Variants in PCSK4 observed in about 807,000 individuals in gnomAD.
PCSK4 encodes the protein proprotein convertase subtilisin/kexin type 4, also known as testicular tissue protein Li 135.
A neutral mutation model predicts 80.3 loss-of-function variants in PCSK4; 64 were observed. The observed-to-expected ratio is 0.80, with a 90% confidence interval of 0.65 to 0.98. PCSK4 has a LOEUF of 0.98. Ranked by LOEUF, PCSK4 falls within the 50% of genes least tolerant of loss-of-function variation. PCSK4 has a pLI of 0.00. For synonymous variants in PCSK4, 561 were observed against 487.6 expected (o/e 1.15, Z -1.98); for missense variants, 1,213 against 1,093.6 (o/e 1.11, Z -1.54).
At chr19:1,487,170 G>A (rs527983571) in exon 7 of PCSK4, 12 of 1,606,968 alleles carry the variant, frequency 7.5e-6, no homozygotes, top group South Asian at 4.4e-5. Context: ...AAGGCCTCGC[G>A]GGTGAGGATG....
intron 8 of PCSK4, among the ~76,000 whole-genome samples, chr19:1,484,476 G>C (rs938336423): frequency 6.8e-5 from 10 of 148,006 alleles, no homozygotes; most frequent in African/African-American, 2.5e-4. Context: ...CTGGGCAACA[G>C]AGCCAGACTC....
intron 8 of PCSK4, among the ~76,000 whole-genome samples, chr19:1,485,880 A>G (rs1200365046): frequency 6.6e-6 from 1 of 152,074 alleles, no homozygotes; most frequent in East Asian, 1.9e-4. Context: ...TCAAAAACAA[A>G]CAAATGAAAA....
chr19:1,484,088 T>C lies in PCSK4; in HGVS notation c.1108A>G (p.Thr370Ala), dbSNP rs201227104. The C allele has an allele frequency of 2.6e-6, 4 of 1,566,330 alleles. No homozygotes were observed. The East Asian group carries it at 9.5e-5, about 37-fold the overall frequency. The stretch of plus-strand genomic sequence containing the variant: ...AGTGGGGCTGAGGCCGAGGTGCCCG[T>C]GTGCTGGTCTGTGCACCCGTGATGC... The change falls in exon 9 of 15, where the codon ACG (threonine) becomes GCG (alanine). Residue 370 changes from threonine (T) to alanine (A), a missense_variant. Coordinates refer to ENST00000300954, the Ensembl canonical transcript of PCSK4.
intron 11 of PCSK4, 55 bp downstream of exon 11, chr19:1,483,595 G>A (rs1191793922): frequency 2.0e-6 from 3 of 1,479,262 alleles, no homozygotes; most frequent in Admixed American, 3.7e-5. Context: ...TGAGGCCTCA[G>A]GCCTGTCCCC....
intron 8 of PCSK4, among the ~76,000 whole-genome samples, chr19:1,484,673 A>G (rs1227856249): frequency 1.3e-5 from 2 of 151,430 alleles, no homozygotes. Flanking sequence ...TTACCCGGGT[A>G]TGGTGGCGGG....
At chr19:1,483,435 C>G in exon 12 of PCSK4, 5 of 1,598,966 alleles carry the variant, frequency 3.1e-6, no homozygotes, top group Non-Finnish European at 4.2e-6. Context: ...GATACGTTTT[C>G]CCTGATGTAG....
Position 1,483,938 on chromosome 19 carries a change from C to T in PCSK4, c.1173G>A (p.Pro391=), listed in dbSNP as rs946980245. Reference sequence around the variant, plus strand: ...GCTGCATGTCTCTCCACGTCAGGAACGGGCTGCGGGGGGCGGGGGCGGGGG... The same window carrying T: ...GCTGCATGTCTCTCCACGTCAGGAATGGGCTGCGGGGGGCGGGGGCGGGGG... The change falls in exon 10 of 15, where the codon CCG becomes CCA. Residue 391 remains proline (P), a synonymous_variant. Transcript: ENST00000300954. The T allele has an allele frequency of 3.7e-6, 5 of 1,350,616 alleles. No homozygotes were observed. The African/African-American group carries it at 4.7e-5, about 13-fold the overall frequency. The allele number at this position is 1,350,616 out of a possible 1,614,324, so 83.7% of individuals were successfully genotyped here. A position where few individuals can be genotyped will look rare whatever the true frequency, so the allele number is the denominator to read the frequency against.
intron 13 of PCSK4, 117 bp from the exon 14 acceptor site, chr19:1,482,592 A>C: frequency 7.8e-7 from 1 of 1,290,078 alleles, no homozygotes; most frequent in Non-Finnish European, 1.1e-6. Context: ...ACTGGTTCAC[A>C]TCTCTCAGGG....
rs963907905 is a variant in PCSK4 at position 1,484,011 on chromosome 19, C to T, written c.1169+16G>A. 9 of 1,525,018 alleles carry T rather than the reference C, an allele frequency of 5.9e-6. No individual in the cohort carries two copies. Among genetic ancestry groups the T allele is most frequent in the East Asian group, 2.5e-5 (1 of 40,142 alleles). The allele number at this position is 1,525,018 out of a possible 1,614,324, so 94.5% of individuals were successfully genotyped here. A position where few individuals can be genotyped will look rare whatever the true frequency, so the allele number is the denominator to read the frequency against. On this transcript the variant is annotated intron_variant, in intron 9 of 14. Transcript: ENST00000300954. The stretch of plus-strand genomic sequence containing the variant: ...CTGGGGGCGAGGGCGGTGGACCGGG[C>T]CCCGCAGTCACCTACTTGGCCTCCA...
intron 6 of PCSK4, 105 bp from the exon 7 acceptor site, chr19:1,487,418 T>A: frequency 2.9e-6 from 3 of 1,037,796 alleles, no homozygotes; most frequent in Admixed American, 4.7e-5. Flanking sequence ...ACCTGGGCCC[T>A]CTCTCTGCTC....
rs747367365 is a variant in PCSK4, at chr19:1,482,346, C to A, written c.1819+7G>T. On this transcript the variant is annotated splice_region_variant and intron_variant, in intron 14 of 14. Transcript: ENST00000300954. ...CCAGCAGTGGGCCCTGCCCCGCCGG[C>A]ACTCACCCTGGCACAGCCCCTCTGT... The A allele has an allele frequency of 1.0e-5, 16 of 1,539,502 alleles. No individual in the cohort carries two copies. The highest frequency in any genetic ancestry group is 2.4e-5 in the East Asian group (1 of 40,948).
intron 2 of PCSK4, among the ~76,000 whole-genome samples, chr19:1,488,615 C>A (rs1183366082): frequency 2.0e-5 from 3 of 152,012 alleles, no homozygotes; most frequent in Non-Finnish European, 2.9e-5. Context: ...GAGTCTTGTT[C>A]TGTCGCCCAG....
In PCSK4 at chr19:1,481,861, G is replaced by A. The variant is rs536007078; in HGVS notation, c.2166C>T (p.Pro722=). Residue 722 remains proline (P), a synonymous_variant, in exon 15 of 15, where the codon CCC becomes CCT. Coordinates refer to ENST00000300954, the Ensembl canonical transcript of PCSK4. ...GGTCCATGGACATGCCGCAGAGGAC[G>A]GGGCCTCCGAGGGTCACGGCCAGGA... 5.2e-5 allele frequency: 83 copies of A among 1,583,712 alleles called. 1 individual carries two copies. In the South Asian group the frequency reaches 8.5e-4, roughly 16 times the overall value.
intron 13 of PCSK4, 105 bp from the exon 14 acceptor site, chr19:1,482,580 G>A: frequency 1.4e-6 from 2 of 1,394,494 alleles, no homozygotes; most frequent in South Asian, 1.4e-5. Context: ...GCGGGGCCCT[G>A]GACTGGTTCA....
At chr19:1,488,407 T>C (rs1246908056) in intron 2 of PCSK4, 127 bp from the exon 3 acceptor site, 3 of 689,724 alleles carry the variant, frequency 4.3e-6, no homozygotes, top group South Asian at 1.7e-5. Context: ...AGGGTCCCCA[T>C]GTGCCTGGGG....
In PCSK4 at chr19:1,486,600, T is replaced by G. The variant is rs190276459; in HGVS notation, c.1068+253A>C. On this transcript the variant is annotated intron_variant, in intron 8 of 14. Transcript: ENST00000300954. ...CGTCAGCCACCGTGCCTGGCCTTTT[T>G]TTTTTGTAGTTTTAGTAGAGACAGG... is the stretch of plus-strand genomic sequence containing the variant. Among the ~76,000 whole-genome samples, 176 of 152,212 alleles carry G rather than the reference T, an allele frequency of 1.2e-3. 1 individual carries two copies. The highest frequency in any genetic ancestry group is 3.9e-3 in the African/African-American group (162 of 41,532).
In PCSK4 at chr19:1,487,173, T is replaced by G. The variant is rs138701190; in HGVS notation, c.823A>C (p.Thr275Pro). The G allele has an allele frequency of 1.6e-5, 25 of 1,607,158 alleles. No homozygotes were observed. Among genetic ancestry groups the G allele is most frequent in the African/African-American group, 2.7e-5 (2 of 74,844 alleles). Reference sequence around the variant, plus strand: ...ACACCACGCCGGAAGGCCTCGCGGGTGAGGATGCCGGGGCCGTCCACCGTG... The same window carrying G: ...ACACCACGCCGGAAGGCCTCGCGGGGGAGGATGCCGGGGCCGTCCACCGTG... Residue 275 changes from threonine (T) to proline (P), a missense_variant, in exon 7 of 15, where the codon ACC (threonine) becomes CCC (proline). Physicochemically the swap from Thr to Pro is conservative, Grantham distance 38 (BLOSUM62 -1). Transcript: ENST00000300954.
At chr19:1,483,602 C>A (rs376394529) in intron 11 of PCSK4, 48 bp downstream of exon 11, 2 of 1,488,186 alleles carry the variant, frequency 1.3e-6, no homozygotes, top group Middle Eastern at 4.5e-4. Context: ...TCAGGCCTGT[C>A]CCCCACACCC....
exon 12 of PCSK4, chr19:1,483,425 G>A (rs758062321): frequency 6.3e-7 from 1 of 1,599,480 alleles, no homozygotes; most frequent in Non-Finnish European, 8.5e-7. Flanking sequence ...GGCGCAGGCC[G>A]ATACGTTTTC....
Sources: gnomAD v4.1 joint callset for allele counts (sites outside exome capture counted in the v4.1 genomes callset) on GRCh38, gnomAD v4.1.1 for gene constraint, MANE v1.5 for transcripts, NCBI Gene and HGNC (gene_info 2026-07-23, HGNC 2026-07-21) for gene names.